Variants in RBM19 observed in about 807,000 individuals in gnomAD.
RBM19 encodes the protein RNA binding motif protein 19, also known as probable RNA-binding protein 19.
RBM19 carries 94 observed loss-of-function variants against 116.8 expected under a neutral mutation model. The observed-to-expected ratio is 0.80, with a 90% CI of 0.68 to 0.95. The LOEUF (loss-of-function observed/expected upper bound fraction) is 0.95. Ranked by LOEUF, RBM19 falls within the 40% of genes least tolerant of loss-of-function variation. RBM19 has a pLI of 0.00. For synonymous variants in RBM19, 475 were observed against 494.1 expected (o/e 0.96, Z 0.51); for missense variants, 1,161 against 1,220.7 (o/e 0.95, Z 0.73).
At chr12:113,851,704 G>C (rs1186878941) in intron 22 of RBM19, among the ~76,000 whole-genome samples, 1 of 151,356 alleles carries the variant, frequency 6.6e-6, no homozygotes, top group East Asian at 1.9e-4. Context: ...CTAATTCCTG[G>C]TACCTGTTGC....
At chr12:113,963,821 C>T (rs749164968) in intron 1 of RBM19, among the ~76,000 whole-genome samples, 1 of 152,216 alleles carries the variant, frequency 6.6e-6, no homozygotes, top group Admixed American at 6.5e-5. Flanking sequence ...CTCTTCAGCA[C>T]CACGCTTTGA....
intron 23 of RBM19, among the ~76,000 whole-genome samples, chr12:113,831,702 T>G (rs1875428354): frequency 6.6e-6 from 1 of 152,162 alleles, no homozygotes; most frequent in Non-Finnish European, 1.5e-5. Context: ...ACAATTTAGC[T>G]GGATTGGGAG....
intron 14 of RBM19, 29 bp from the exon 15 acceptor site, chr12:113,940,189 A>G (rs554710881): frequency 1.1e-5 from 18 of 1,595,876 alleles, no homozygotes; most frequent in Non-Finnish European, 1.5e-5. Context: ...CACACATGGG[A>G]CCACAGGAGG....
At chr12:113,844,912 CT>C in intron 22 of RBM19, 124 bp from the exon 23 acceptor site, 1 of 1,349,512 alleles carries the variant, frequency 7.4e-7, no homozygotes, top group Non-Finnish European at 9.8e-7. Context: ...CCCGTGACAT[CT>C]GATCTCCAGC....
At chr12:113,943,516 A>C (rs1001644769) in intron 13 of RBM19, among the ~76,000 whole-genome samples, 1 of 152,060 alleles carries the variant, frequency 6.6e-6, no homozygotes, top group East Asian at 1.9e-4. Context: ...AACATTGTGC[A>C]TATGTTGAAA....
At chr12:113,905,724 G>A (rs948597896) in intron 21 of RBM19, among the ~76,000 whole-genome samples, 5 of 151,826 alleles carry the variant, frequency 3.3e-5, no homozygotes, top group Non-Finnish European at 7.4e-5. Flanking sequence ...TAAATAAAAA[G>A]TAATTAGAAA....
chr12:113,912,365 G>A (rs908867286), intron 21 of RBM19, among the ~76,000 whole-genome samples: 4 of 152,202 alleles, frequency 2.6e-5, no homozygotes, highest in African/African-American at 9.6e-5. Context: ...CACAGTGCCT[G>A]GTATAAATGA....
At chr12:113,894,714 A>G (rs964180920) in intron 21 of RBM19, among the ~76,000 whole-genome samples, 2 of 152,242 alleles carry the variant, frequency 1.3e-5, no homozygotes, top group African/African-American at 4.8e-5. Context: ...TTTCCTGAAA[A>G]GGGAATAATA....
chr12:113,952,674 C>G, intron 7 of RBM19, 84 bp from the exon 8 acceptor site: 2 of 1,075,068 alleles, frequency 1.9e-6, no homozygotes, highest in South Asian at 2.6e-5. Context: ...ATTTCTAAAT[C>G]AGAAAGGATT....
chr12:113,840,126 T>C (rs755933734), intron 23 of RBM19, among the ~76,000 whole-genome samples: 7 of 152,234 alleles, frequency 4.6e-5, no homozygotes, highest in Non-Finnish European at 1.0e-4. Flanking sequence ...TCATGGATTC[T>C]TAGTTAAAAA....
At position 113,893,178 on chromosome 12, in the gene RBM19, C is replaced by T. The variant is rs150022461; in HGVS notation, c.2558+21791G>A. 4.5e-3 allele frequency among the ~76,000 whole-genome samples: 680 copies of T among 152,210 alleles called. 3 individuals are homozygous for T. The highest frequency in any genetic ancestry group is 0.015 in the African/African-American group (641 of 41,520). ...TCCTGAGTAACTGGCACTACAGACA[C>T]ATGCCACCATACCTGTCTAATTTTT... is the stretch of plus-strand genomic sequence containing the variant. On this transcript the variant is annotated intron_variant, in intron 21 of 23. Coordinates refer to ENST00000261741, the MANE Select transcript of RBM19 (RefSeq NM_016196.4).
chr12:113,858,246 G>A (rs555370624), intron 22 of RBM19, among the ~76,000 whole-genome samples: 134 of 152,364 alleles, frequency 8.8e-4, no homozygotes, highest in African/African-American at 2.1e-3. Flanking sequence ...AGGTTCTCAA[G>A]GAGCCTGGAG....
chr12:113,890,756 T>C (rs1880908066), intron 21 of RBM19, among the ~76,000 whole-genome samples: 1 of 152,228 alleles, frequency 6.6e-6, no homozygotes, highest in Non-Finnish European at 1.5e-5. Flanking sequence ...CAAGGGATGC[T>C]GTGTGCTCCC....
At chr12:113,861,540 T>G (rs1283922537) in intron 21 of RBM19, among the ~76,000 whole-genome samples, 74 of 93,234 alleles carry the variant, frequency 7.9e-4, no homozygotes, top group African/African-American at 1.2e-3. Flanking sequence ...CGGGGGGTGG[T>G]GGTGTGAGAG....
At chr12:113,859,259 G>T (rs760743490) in intron 21 of RBM19, among the ~76,000 whole-genome samples, 13 of 152,222 alleles carry the variant, frequency 8.5e-5, no homozygotes, top group Non-Finnish European at 1.5e-4. Flanking sequence ...TGAGGGGCCT[G>T]GCCAGGGCAA....
intron 21 of RBM19, among the ~76,000 whole-genome samples, chr12:113,860,965 C>T (rs945067144): frequency 6.6e-6 from 1 of 152,178 alleles, no homozygotes; most frequent in African/African-American, 2.4e-5. Flanking sequence ...TACACCTACC[C>T]TCAGAGGGCG....
chr12:113,890,206 T>C (rs567399647), intron 21 of RBM19, among the ~76,000 whole-genome samples: 2 of 152,328 alleles, frequency 1.3e-5, no homozygotes, highest in South Asian at 4.1e-4. Flanking sequence ...CCTTCTCTAG[T>C]GGGAGTCAGA....
At chr12:113,859,681 C>T (rs1878208013) in intron 21 of RBM19, among the ~76,000 whole-genome samples, 2 of 152,182 alleles carry the variant, frequency 1.3e-5, no homozygotes, top group Non-Finnish European at 2.9e-5. Context: ...TTTCTCAGGC[C>T]TCCCTTGCCT....
chr12:113,831,682 C>T (rs1312128560), intron 23 of RBM19, among the ~76,000 whole-genome samples: 2 of 152,236 alleles, frequency 1.3e-5, no homozygotes, highest in Admixed American at 1.3e-4. Context: ...ACAGAGAACA[C>T]AAGTCAATAA....
Sources: allele counts gnomAD v4.1 joint callset (sites outside exome capture counted in the v4.1 genomes callset), GRCh38; gene constraint gnomAD v4.1.1; transcripts MANE v1.5; gene names NCBI Gene and HGNC (gene_info 2026-07-23, HGNC 2026-07-21).